Variants in PRRC2C observed in about 807,000 individuals in gnomAD.
The protein encoded by PRRC2C is proline rich coiled-coil 2C, also known as protein PRRC2C.
PRRC2C carries 72 observed loss-of-function variants against 317.2 expected under a neutral mutation model. The ratio of observed to expected loss-of-function variants is 0.23; its 90% confidence interval spans 0.19 to 0.28. The LOEUF (loss-of-function observed/expected upper bound fraction) is 0.28, where lower values mean the gene tolerates loss of function less well. PRRC2C is among the 10% of genes least tolerant of loss of function. The probability of loss-of-function intolerance (pLI) is 1.00; values close to 1 mark genes in which losing one functional copy is unlikely to be tolerated. For missense variants in PRRC2C, 3,074 were observed against 3,459.7 expected (o/e 0.89, Z 2.80); for synonymous variants, 1,296 against 1,205.9 (o/e 1.07, Z -1.55).
intron 32 of PRRC2C, 134 bp from the exon 33 acceptor site, chr1:171,588,245 G>A: frequency 1.0e-6 from 1 of 986,778 alleles, no homozygotes; most frequent in Non-Finnish European, 1.6e-6. Context: ...CTACCAGAAT[G>A]TTTTGGTAAT....
At chr1:171,588,892 G>A (rs1650695730) in intron 33 of PRRC2C, among the ~76,000 whole-genome samples, 1 of 152,162 alleles carries the variant, frequency 6.6e-6, no homozygotes, top group African/African-American at 2.4e-5. Flanking sequence ...CCAAAAAGAT[G>A]TTTTAATATA....
rs748376508 is a variant in PRRC2C, at chr1:171,541,119, G to A, written c.3653G>A (p.Arg1218Gln). ...GRGRGGRGHTRDYPQYRDNKP... is the reference protein window; with the variant it reads ...GRGRGGRGHTQDYPQYRDNKP... Reference sequence around the variant, plus strand: ...GGCAGGGGTGGTAGGGGACACACTCGAGATTATCCTCAGTATAGAGACAAT... The same window carrying A: ...GGCAGGGGTGGTAGGGGACACACTCAAGATTATCCTCAGTATAGAGACAAT... Residue 1218 changes from arginine to glutamine, a missense_variant, in exon 16 of 35, where the codon CGA (arginine) becomes CAA (glutamine). Physicochemically the swap from Arg to Gln is conservative, Grantham distance 43. Transcript: ENST00000647382. This position sits in a 1 kb window ranked among gnomAD's most constrained non-coding sequence, Gnocchi z 4.1. The A allele has an allele frequency of 4.5e-5, 72 of 1,613,836 alleles. No individual in the cohort carries two copies. In the Admixed American group the frequency reaches 4.5e-4, roughly 10 times the overall value.
intron 5 of PRRC2C, 135 bp downstream of exon 5, chr1:171,515,994 C>A: frequency 1.1e-6 from 1 of 947,482 alleles, no homozygotes; most frequent in Non-Finnish European, 1.5e-6. Context: ...TCACTTGCTA[C>A]TCAGGTATGA....
At chr1:171,591,373 G>GTTTT (rs35289979) in intron 34 of PRRC2C, 236 of 267,996 alleles carry the variant, frequency 8.8e-4, no homozygotes, top group Middle Eastern at 3.0e-3. Flanking sequence ...TGGTCCTGTG[G>GTTTT]TTTTTTTTTT....
At chr1:171,525,161 T>G (rs1674333730) in intron 10 of PRRC2C, among the ~76,000 whole-genome samples, 196 bp downstream of exon 10, 1 of 152,212 alleles carries the variant, frequency 6.6e-6, no homozygotes, top group Admixed American at 6.5e-5. Flanking sequence ...ATACAGTAGC[T>G]AAAGTTATCA....
intron 1 of PRRC2C, among the ~76,000 whole-genome samples, chr1:171,486,291 C>T (rs1009479795): frequency 5.9e-5 from 9 of 151,904 alleles, no homozygotes; most frequent in Non-Finnish European, 1.0e-4. Context: ...GAATCAAGAC[C>T]AACCCTACTT....
chr1:171,503,012 G>A (rs572683353), intron 1 of PRRC2C, among the ~76,000 whole-genome samples: 20 of 152,124 alleles, frequency 1.3e-4, no homozygotes, highest in African/African-American at 2.4e-4. Flanking sequence ...ATGAGCCACC[G>A]CGCCAAGCCG....
intron 1 of PRRC2C, among the ~76,000 whole-genome samples, chr1:171,495,014 T>A (rs1450519357): frequency 6.6e-6 from 1 of 152,200 alleles, no homozygotes; most frequent in Non-Finnish European, 1.5e-5. Context: ...TGCTATAAGT[T>A]TTAGTTTAAT....
chr1:171,585,180 C>G (rs1226483245), intron 30 of PRRC2C, among the ~76,000 whole-genome samples: 1 of 151,988 alleles, frequency 6.6e-6, no homozygotes, highest in Non-Finnish European at 1.5e-5. Flanking sequence ...AATATAAAAC[C>G]TTGAAAACCA....
chr1:171,551,433 T>A (rs1680224900), intron 18 of PRRC2C, among the ~76,000 whole-genome samples: 1 of 152,230 alleles, frequency 6.6e-6, no homozygotes, highest in Non-Finnish European at 1.5e-5. Context: ...CTGATGGTAG[T>A]TTCTTTTGCT....
chr1:171,564,790 TG>T (rs2102701958), intron 20 of PRRC2C, among the ~76,000 whole-genome samples: 1 of 152,366 alleles, frequency 6.6e-6, no homozygotes, highest in South Asian at 2.1e-4. Context: ...TATAATTTTA[TG>T]GAACCACCCT....
chr1:171,566,489 T>C, intron 21 of PRRC2C, 68 bp downstream of exon 21: 5 of 1,486,658 alleles, frequency 3.4e-6, no homozygotes, highest in South Asian at 2.7e-5. Flanking sequence ...AATAATACTT[T>C]TAAAAGTGAA....
intron 25 of PRRC2C, among the ~76,000 whole-genome samples, chr1:171,575,484 G>C (rs990782704): frequency 2.6e-5 from 4 of 152,196 alleles, no homozygotes; most frequent in Non-Finnish European, 5.9e-5. Context: ...TTGGGATAAC[G>C]TATTTTCTGG....
intron 9 of PRRC2C, among the ~76,000 whole-genome samples, chr1:171,524,269 T>G (rs528160127): frequency 1.3e-5 from 2 of 152,262 alleles, no homozygotes; most frequent in East Asian, 3.9e-4. Flanking sequence ...TCCTTCATTC[T>G]GGAATATTGG....
chr1:171,546,015 G>T (rs1270265543), intron 17 of PRRC2C, among the ~76,000 whole-genome samples: 3 of 52,528 alleles, frequency 5.7e-5, no homozygotes, highest in Non-Finnish European at 8.7e-5. Flanking sequence ...ACAGAAATTT[G>T]ATTCTTAGTT....
At chr1:171,565,397 ACTGATTAGCACAT>A (rs1473519976) in intron 20 of PRRC2C, among the ~76,000 whole-genome samples, 6 of 152,184 alleles carry the variant, frequency 3.9e-5, no homozygotes, top group Non-Finnish European at 8.8e-5. Context: ...GTGCAATTAG[ACTGATTAGCACAT>A]CTGATTAGCA....
intron 2 of PRRC2C, chr1:171,512,504 A>G (rs775745168): frequency 8.5e-5 from 25 of 293,632 alleles, no homozygotes; most frequent in Non-Finnish European, 1.6e-4. Context: ...ACAGACCTAT[A>G]TATTAGTGGG....
intron 18 of PRRC2C, among the ~76,000 whole-genome samples, chr1:171,552,058 G>A (rs977443708): frequency 1.8e-4 from 27 of 152,150 alleles, no homozygotes; most frequent in Non-Finnish European, 3.7e-4. Flanking sequence ...TGGGCAGTAT[G>A]GCCGTTTTTA....
intron 18 of PRRC2C, among the ~76,000 whole-genome samples, chr1:171,552,200 AG>A (rs1267474731): frequency 6.6e-6 from 1 of 152,114 alleles, no homozygotes; most frequent in Non-Finnish European, 1.5e-5. Flanking sequence ...TTGGATTCCT[AG>A]GTATTTTATT....
Sources: gnomAD v4.1 joint callset for allele counts (sites outside exome capture counted in the v4.1 genomes callset) on GRCh38, gnomAD v4.1.1 for gene constraint, Gnocchi (gnomAD v3.1) non-coding constraint, MANE v1.5 for transcripts, NCBI Gene and HGNC (gene_info 2026-07-23, HGNC 2026-07-21) for gene names.